Variants in GRM3 observed in about 807,000 individuals in gnomAD.
GRM3 encodes metabotropic glutamate receptor 3.
Under a neutral mutation model 70.5 loss-of-function variants are expected in GRM3, and 26 were observed. The observed-to-expected ratio is 0.37, with a 90% CI of 0.27 to 0.51. The LOEUF is 0.51. Ranked by LOEUF, GRM3 falls within the 20% of genes least tolerant of loss-of-function variation. The pLI, the probability that GRM3 is intolerant of heterozygous loss-of-function variation, is 0.93. For synonymous variants in GRM3, 443 were observed against 434.9 expected, an observed-to-expected ratio of 1.02 and a Z score of -0.23; for missense variants, 859 against 1,123.8, an observed-to-expected ratio of 0.76 and a Z score of 3.37.
intron 1 of GRM3, among the ~76,000 whole-genome samples, chr7:86,709,449 T>C (rs1052919029): frequency 1.3e-5 from 2 of 152,122 alleles, no homozygotes; most frequent in African/African-American, 4.8e-5. Flanking sequence ...CTCTTGCATA[T>C]CTACCTAACC....
chr7:86,766,816 T>C (rs964801696), intron 2 of GRM3, among the ~76,000 whole-genome samples: 1 of 152,202 alleles, frequency 6.6e-6, no homozygotes, highest in Non-Finnish European at 1.5e-5. Context: ...AAAGAAACTA[T>C]ACCACACTCA....
chr7:86,748,125 G>A (rs1339698414), intron 1 of GRM3, among the ~76,000 whole-genome samples: 2 of 151,650 alleles, frequency 1.3e-5, no homozygotes, highest in African/African-American at 2.4e-5. Context: ...CTATTATTTC[G>A]CTTTTTGCTT....
chr7:86,816,465 G>A (rs952312864), intron 3 of GRM3, among the ~76,000 whole-genome samples: 3 of 151,714 alleles, frequency 2.0e-5, no homozygotes, highest in African/African-American at 7.3e-5. Context: ...CCTCAAGTAG[G>A]CCCAGTACCT....
intron 3 of GRM3, among the ~76,000 whole-genome samples, chr7:86,805,668 T>C (rs758732459): frequency 6.6e-6 from 1 of 152,220 alleles, no homozygotes; most frequent in Non-Finnish European, 1.5e-5. Flanking sequence ...GAATGACATA[T>C]AGTTGGAATC....
chr7:86,723,221 C>A (rs545927608), intron 1 of GRM3, among the ~76,000 whole-genome samples: 123 of 146,078 alleles, frequency 8.4e-4, no homozygotes, highest in South Asian at 2.5e-3. Flanking sequence ...TTGAGTTCTA[C>A]ATCCATAAAA....
At chr7:86,843,783 G>A (rs765915941) in intron 4 of GRM3, among the ~76,000 whole-genome samples, 26 of 152,144 alleles carry the variant, frequency 1.7e-4, no homozygotes, top group Non-Finnish European at 3.2e-4. Flanking sequence ...GGTGAAGATG[G>A]AGATGGAGCA....
At chr7:86,719,512 C>A (rs1795404568) in intron 1 of GRM3, among the ~76,000 whole-genome samples, 1 of 151,928 alleles carries the variant, frequency 6.6e-6, no homozygotes, top group South Asian at 2.1e-4. Flanking sequence ...GGCATTTATA[C>A]AAAATGTAAT....
intron 1 of GRM3, among the ~76,000 whole-genome samples, chr7:86,750,823 G>A (rs1796212539): frequency 6.6e-6 from 1 of 152,048 alleles, no homozygotes; most frequent in African/African-American, 2.4e-5. Flanking sequence ...GCTACTGTGA[G>A]CAAAACAGCA....
chr7:86,712,164 C>CTCT (rs1209571733), intron 1 of GRM3, among the ~76,000 whole-genome samples: 1 of 151,978 alleles, frequency 6.6e-6, no homozygotes, highest in Admixed American at 6.6e-5. Flanking sequence ...CCTTAACCTC[C>CTCT]TCTTCACTCC....
chr7:86,828,967 G>A (rs1798297933), intron 3 of GRM3, among the ~76,000 whole-genome samples: 1 of 152,140 alleles, frequency 6.6e-6, no homozygotes, highest in Non-Finnish European at 1.5e-5. Flanking sequence ...TTCTTCACCA[G>A]GTGTGGATTC....
At chr7:86,728,565 C>T (rs570429634) in intron 1 of GRM3, among the ~76,000 whole-genome samples, 110 of 152,280 alleles carry the variant, frequency 7.2e-4, no homozygotes, top group Non-Finnish European at 1.2e-3. Flanking sequence ...TTGAAATCTT[C>T]CAAAGTCCTG....
chr7:86,740,635 A>G (rs1057372969), intron 1 of GRM3, among the ~76,000 whole-genome samples: 1 of 152,228 alleles, frequency 6.6e-6, no homozygotes, highest in Non-Finnish European at 1.5e-5. Context: ...AAAATATTAA[A>G]GATTTAAAAG....
chr7:86,644,993 A>G, intron 1 of GRM3, 121 bp downstream of exon 1: 1 of 417,446 alleles, frequency 2.4e-6, no homozygotes, highest in Non-Finnish European at 4.4e-6. Flanking sequence ...ACCAGTCCCT[A>G]CAGTCCTGAC....
intron 2 of GRM3, among the ~76,000 whole-genome samples, chr7:86,771,653 C>A (rs1457047347): frequency 6.6e-6 from 1 of 151,986 alleles, no homozygotes; most frequent in African/African-American, 2.4e-5. Context: ...AGATATCTTA[C>A]AAGCTTCTGA....
At chr7:86,706,691 G>T (rs1294602644) in intron 1 of GRM3, among the ~76,000 whole-genome samples, 1 of 151,802 alleles carries the variant, frequency 6.6e-6, no homozygotes, top group Non-Finnish European at 1.5e-5. Context: ...GAGAGGAGAG[G>T]TTACTCTAGT....
intron 2 of GRM3, among the ~76,000 whole-genome samples, chr7:86,772,914 T>C (rs1247574098): frequency 6.6e-6 from 1 of 152,124 alleles, no homozygotes; most frequent in South Asian, 2.1e-4. Flanking sequence ...ACACAGTGAT[T>C]AAAACTCTGT....
intron 1 of GRM3, among the ~76,000 whole-genome samples, chr7:86,701,740 A>G (rs1527764): frequency 0.013 from 2,049 of 152,132 alleles, 37 homozygotes; most frequent in African/African-American, 0.047. Flanking sequence ...TAAATATTTC[A>G]TAATTTCTAA....
chr7:86,680,054 T>C (rs1794406532), intron 1 of GRM3, among the ~76,000 whole-genome samples: 1 of 152,118 alleles, frequency 6.6e-6, no homozygotes, highest in Admixed American at 6.6e-5. Flanking sequence ...GAACAAGGAA[T>C]GTACCAGGTG....
At chr7:86,808,870 C>T (rs138799783) in intron 3 of GRM3, among the ~76,000 whole-genome samples, 2 of 151,950 alleles carry the variant, frequency 1.3e-5, no homozygotes, top group East Asian at 1.9e-4. Context: ...ATGGAGTTAG[C>T]GTGGAAGAGA....
Sources: allele counts gnomAD v4.1 joint callset (sites outside exome capture counted in the v4.1 genomes callset), GRCh38; gene constraint gnomAD v4.1.1; transcripts MANE v1.5; gene names NCBI Gene and HGNC (gene_info 2026-07-23, HGNC 2026-07-21).